ZFP36L1: variants seen among roughly 807,000 people sequenced by gnomAD.
ZFP36L1 encodes mRNA decay activator protein ZFP36L1.
In ZFP36L1, 4 loss-of-function variants were observed where a neutral mutation model predicts 16.7. That is an observed-to-expected ratio of 0.24 (90% confidence interval 0.12 to 0.55). The LOEUF is 0.55. Among genes scored for constraint, ZFP36L1 ranks in the 20% least tolerant of loss-of-function variants. The probability of loss-of-function intolerance (pLI) is 0.94; values close to 1 mark genes in which losing one functional copy is unlikely to be tolerated. For synonymous variants in ZFP36L1, 220 were observed against 190.8 expected (o/e 1.15, Z -1.26); for missense variants, 311 against 449.2 (o/e 0.69, Z 2.78).
At position 68,790,429 on chromosome 14, in the gene ZFP36L1, C is replaced by A; in HGVS notation, c.121G>T (p.Val41Leu). ...AAGCCCCCACCAGCAGGGGTGCCCACTGCCTTTCTGTCCAGCAGGCAACCC... is the reference window on the plus strand; with the variant it reads ...AAGCCCCCACCAGCAGGGGTGCCCAATGCCTTTCTGTCCAGCAGGCAACCC... ...AGGCLLDRKA[V>L]GTPAGGGFPR... Residue 41 changes from valine (V) to leucine (L), a missense_variant, in exon 2 of 2, where the codon GTG (valine) becomes TTG (leucine). Transcript: ENST00000439696. 6.2e-7 allele frequency: 1 copy of A among 1,614,094 alleles called. No homozygotes were observed.
Position 68,790,475 on chromosome 14 carries a change from G to C in ZFP36L1, c.75C>G (p.Asn25Lys), listed in dbSNP as rs1895040338. 1 of 1,614,096 alleles carries C rather than the reference G, an allele frequency of 6.2e-7. No individual in the cohort carries two copies. The highest frequency in any genetic ancestry group is 8.5e-7 in the Non-Finnish European group (1 of 1,179,996). Residue 25 changes from asparagine to lysine, a missense_variant, in exon 2 of 2, where the codon AAC becomes AAG. Around this residue, in one of 4 missense-constraint regions of ZFP36L1, gnomAD observed 137 missense variants for 142.6 expected, o/e 0.96. Coordinates refer to ENST00000439696, the MANE Select transcript of ZFP36L1 (RefSeq NM_004926.4). ...EVLCKGNKML[N>K]YSAPSAGGCL... ...AACCCCCTGCACTGGGAGCACTATA[G>C]TTGAGCATCTTGTTACCCTGGAGAG...
chr14:68,793,692 C>G (rs559162061), upstream of ZFP36L1: 715 of 985,406 alleles, frequency 7.3e-4, 1 homozygote, highest in Non-Finnish European at 8.4e-4. Flanking sequence ...CTTCGGCAAA[C>G]CGGGCAGGCC....
intron 1 of ZFP36L1, among the ~76,000 whole-genome samples, chr14:68,792,677 A>T (rs537757526): frequency 1.3e-5 from 2 of 152,212 alleles, no homozygotes; most frequent in Admixed American, 1.3e-4. Flanking sequence ...ATTCACATGT[A>T]ATCCCCGCCA....
At chr14:68,792,277 T>A (rs570924193) in intron 1 of ZFP36L1, among the ~76,000 whole-genome samples, 2 of 152,118 alleles carry the variant, frequency 1.3e-5, no homozygotes, top group Admixed American at 6.5e-5. Flanking sequence ...CCCCAAAGTT[T>A]GCTGCACGAT....
chr14:68,788,076 G>A lies in ZFP36L1; in HGVS notation c.*1457C>T, dbSNP rs917274869. 6 of 152,028 alleles carry A rather than the reference G, an allele frequency of 3.9e-5. No individual in the cohort carries two copies. The highest frequency in any genetic ancestry group is 2.0e-4 in the Admixed American group (3 of 15,234). The allele number at this position is 152,028 out of a possible 1,614,324, so 9.4% of individuals were successfully genotyped here. A position where few individuals can be genotyped will look rare whatever the true frequency, so the allele number is the denominator to read the frequency against. On this transcript the variant is annotated 3_prime_UTR_variant, in exon 2 of 2. Transcript: ENST00000439696. Reference sequence around the variant, plus strand: ...CAATTTGCAGTCCAACACAAAGGGGGGAATTTCTAAAATAAATAATCCAAC... The same window carrying A: ...CAATTTGCAGTCCAACACAAAGGGGAGAATTTCTAAAATAAATAATCCAAC...
chr14:68,789,722 G>A lies in ZFP36L1; in HGVS notation c.828C>T (p.Thr276=), dbSNP rs1186026029. 1.2e-6 allele frequency: 2 copies of A among 1,614,104 alleles called. No individual in the cohort carries two copies. Among genetic ancestry groups the A allele is most frequent in the Non-Finnish European group, 8.5e-7 (1 of 1,180,010 alleles). ...MGLPGGGSPT[T]FLFRPMSESP... ...ACTCGGACATGGGCCGGAAGAGGAAGGTGGTCGGGGAGCCACCCCCGGGCA... is the reference window on the plus strand; with the variant it reads ...ACTCGGACATGGGCCGGAAGAGGAAAGTGGTCGGGGAGCCACCCCCGGGCA... Residue 276 remains threonine (T), a synonymous_variant, in exon 2 of 2, where the codon ACC becomes ACT. Coordinates refer to ENST00000439696, the MANE Select transcript of ZFP36L1 (RefSeq NM_004926.4). The surrounding 1 kb of genome is among the most constrained non-coding windows in gnomAD (Gnocchi z 4.5).
intron 1 of ZFP36L1, chr14:68,791,136 T>C (rs1307335289): frequency 1.4e-6 from 1 of 691,170 alleles, no homozygotes. Context: ...AATAAAACTC[T>C]TTGCCCTAAG....
upstream of ZFP36L1, chr14:68,793,709 A>G (rs974748187): frequency 2.8e-5 from 28 of 985,398 alleles, no homozygotes; most frequent in Admixed American, 6.1e-5. Context: ...GGCCGAGGAC[A>G]TTAGAAATTT....
chr14:68,789,818 G>A lies in ZFP36L1; in HGVS notation c.732C>T (p.Pro244=), dbSNP rs549262013. ...ADDLLGSPTL[P]DGTNNPFAFS... ...AGGCAAAAGGGTTATTGGTGCCATC[G>A]GGCAGGGTAGGTGAGCCCAGGAGGT... The change falls in exon 2 of 2, where the codon CCC becomes CCT. Residue 244 remains proline (P), a synonymous_variant. Coordinates refer to ENST00000439696, the MANE Select transcript of ZFP36L1 (RefSeq NM_004926.4). This position sits in a 1 kb window ranked among gnomAD's most constrained non-coding sequence, Gnocchi z 4.5. 5.6e-6 allele frequency: 9 copies of A among 1,612,466 alleles called. No individual in the cohort carries two copies. The highest frequency in any genetic ancestry group is 1.6e-4 in the Middle Eastern group (1 of 6,084).
At chr14:68,793,282 C>A, upstream of ZFP36L1, 1 of 1,024,022 alleles carries the variant, frequency 9.8e-7, no homozygotes, top group South Asian at 4.1e-5. Flanking sequence ...GAAAAGAAGG[C>A]GGAAAAAAAA....
chr14:68,793,563 T>C, upstream of ZFP36L1: 1 of 986,056 alleles, frequency 1.0e-6, no homozygotes, highest in Non-Finnish European at 1.2e-6. Flanking sequence ...CAGCGGGAGC[T>C]GAAGCCCGTC....
At chr14:68,792,694 G>A (rs1895127800) in intron 1 of ZFP36L1, among the ~76,000 whole-genome samples, 188 bp downstream of exon 1, 4 of 152,248 alleles carry the variant, frequency 2.6e-5, no homozygotes, top group East Asian at 1.9e-4. Context: ...GCCAGCAACT[G>A]TTGAAACTCA....
chr14:68,790,129 T>C lies in ZFP36L1; in HGVS notation c.421A>G (p.Ile141Val), dbSNP rs751523830. The change falls in exon 2 of 2, where the codon ATC becomes GTC. Residue 141 changes from isoleucine (I) to valine (V), a missense_variant. Coordinates refer to ENST00000439696, the MANE Select transcript of ZFP36L1 (RefSeq NM_004926.4). ...CGGGTCAGGCTGCGGAGCTCGTGGA[T>C]GCCGTGTGCGAACTGGCACTTGTCC... ...YGDKCQFAHG[I>V]HELRSLTRHP... 3.1e-6 allele frequency: 5 copies of C among 1,611,176 alleles called. No individual in the cohort carries two copies. The highest frequency in any genetic ancestry group is 2.7e-5 in the African/African-American group (2 of 74,836).
At chr14:68,790,682 G>A (rs145856129) in intron 1 of ZFP36L1, among the ~76,000 whole-genome samples, 190 bp from the exon 2 acceptor site, 1 of 151,976 alleles carries the variant, frequency 6.6e-6, no homozygotes, top group Non-Finnish European at 1.5e-5. Flanking sequence ...GGCCCCATGC[G>A]TAAGAAACCA....
rs2140212680 is a variant in ZFP36L1, at chr14:68,792,793, T to C, written c.57+89A>G. 1.2e-5 allele frequency: 18 copies of C among 1,560,288 alleles called. No individual in the cohort carries two copies. In the South Asian group the frequency reaches 1.7e-4, roughly 15 times the overall value. Reference sequence around the variant, plus strand: ...TCATCTCGCTGCACCACTTTCCCCATTGCCTTCCAAGACCCAAACTTTTGG... The same window carrying C: ...TCATCTCGCTGCACCACTTTCCCCACTGCCTTCCAAGACCCAAACTTTTGG... On this transcript the variant is annotated intron_variant, in intron 1 of 1. Coordinates refer to ENST00000439696, the MANE Select transcript of ZFP36L1 (RefSeq NM_004926.4).
At position 68,788,617 on chromosome 14, in the gene ZFP36L1, A is replaced by T. The variant is rs1354305315; in HGVS notation, c.*916T>A. ...CTTTTTTTTTTTTAGCTTTTCTCTC[A>T]TTTTTTTTTTGTTGTTATTTTTTTT... On this transcript the variant is annotated 3_prime_UTR_variant, in exon 2 of 2. Coordinates refer to ENST00000439696, the MANE Select transcript of ZFP36L1 (RefSeq NM_004926.4). 2 of 146,946 alleles carry T rather than the reference A, an allele frequency of 1.4e-5. No homozygotes were observed. The highest frequency in any genetic ancestry group is 2.5e-5 in the African/African-American group (1 of 39,396). The allele number at this position is 146,946 out of a possible 1,614,324, so 9.1% of individuals were successfully genotyped here.
Position 68,792,972 on chromosome 14 carries a change from T to G in ZFP36L1, c.-34A>C, listed in dbSNP as rs751296409. The stretch of plus-strand genomic sequence containing the variant: ...TTCGCGCGAGCCAGGGGCGAGGATC[T>G]GGTGTGTCGCGAAGGTCCCGGTGCG... On this transcript the variant is annotated 5_prime_UTR_variant, in exon 1 of 2. Coordinates refer to ENST00000439696, the MANE Select transcript of ZFP36L1 (RefSeq NM_004926.4). 1 of 1,612,974 alleles carries G rather than the reference T, an allele frequency of 6.2e-7. No individual in the cohort carries two copies. Among genetic ancestry groups the G allele is most frequent in the Non-Finnish European group, 8.5e-7 (1 of 1,179,758 alleles).
chr14:68,790,234 C>T lies in ZFP36L1; in HGVS notation c.316G>A (p.Gly106Arg). The T allele has an allele frequency of 1.9e-6, 3 of 1,612,418 alleles. No individual in the cohort carries two copies. Among genetic ancestry groups the T allele is most frequent in the Non-Finnish European group, 2.5e-6 (3 of 1,179,902 alleles). Reference protein sequence around the residue: ...ERLLPTQKQPGGGQVNSSRYK... With the variant: ...ERLLPTQKQPRGGQVNSSRYK... ...CGGCTGGAGTTGACCTGGCCGCCCC[C>T]GGGCTGCTTCTGGGTGGGCAGCAGC... The change falls in exon 2 of 2, where the codon GGG (glycine) becomes AGG (arginine). Residue 106 changes from glycine (G) to arginine (R), a missense_variant. By Grantham distance (125) the Gly-to-Arg change is moderately radical. Transcript: ENST00000439696.
upstream of ZFP36L1, chr14:68,794,089 C>A (rs181418494): frequency 1.5e-3 from 489 of 315,502 alleles, no homozygotes; most frequent in Middle Eastern, 6.6e-3. Flanking sequence ...GCCCACCGAG[C>A]AACTCACTAC....
Sources: gnomAD v4.1 joint callset for allele counts (sites outside exome capture counted in the v4.1 genomes callset) on GRCh38, gnomAD v4.1.1 for gene constraint, gnomAD v4.1.1 regional missense constraint, Gnocchi (gnomAD v3.1) non-coding constraint, MANE v1.5 for transcripts, NCBI Gene and HGNC (gene_info 2026-07-23, HGNC 2026-07-21) for gene names.